ADGRE3: variants seen among roughly 807,000 people sequenced by gnomAD.
ADGRE3 encodes EGF-like module receptor 3.
A neutral mutation model predicts 80.1 loss-of-function variants in ADGRE3; 88 were observed. The observed-to-expected ratio is 1.10, with a 90% confidence interval of 0.93 to 1.31. ADGRE3 has a LOEUF of 1.31. Ranked by LOEUF, ADGRE3 falls within the 40% of genes most tolerant of loss-of-function variation. The probability of loss-of-function intolerance (pLI) is 0.00; values close to 1 mark genes in which losing one functional copy is unlikely to be tolerated. For synonymous variants in ADGRE3, 281 were observed against 294.8 expected (o/e 0.95, Z 0.48); for missense variants, 715 against 776.5 (o/e 0.92, Z 0.94).
At chr19:14,666,343 A>C (rs181571593) in intron 2 of ADGRE3, among the ~76,000 whole-genome samples, 5 of 149,368 alleles carry the variant, frequency 3.3e-5, no homozygotes, top group African/African-American at 4.9e-5. Context: ...CCTTATAATT[A>C]GTGATGTTGA....
chr19:14,656,953 T>G (rs962228804), intron 5 of ADGRE3, among the ~76,000 whole-genome samples: 1 of 152,174 alleles, frequency 6.6e-6, no homozygotes, highest in African/African-American at 2.4e-5. Context: ...TGGAGTGCAG[T>G]GACGTGATCT....
intron 4 of ADGRE3, among the ~76,000 whole-genome samples, chr19:14,661,433 C>T (rs1971941928): frequency 6.6e-6 from 1 of 152,188 alleles, no homozygotes; most frequent in Admixed American, 6.5e-5. Context: ...CATGGCTACG[C>T]ATCGTTTTCA....
the ADGRE3 span, among the ~76,000 whole-genome samples, chr19:14,600,768 G>A: frequency 6.6e-6 from 1 of 151,298 alleles, no homozygotes; most frequent in Non-Finnish European, 1.5e-5. Flanking sequence ...TGTATTTTTA[G>A]TAGAGACAGG....
chr19:14,638,248 A>G lies in ADGRE3; in HGVS notation c.1341T>C (p.Thr447=), dbSNP rs1971154842. ...AGTTGACCACTGTCAGGTTCCGTGC[A>G]GTGAGGAAGAGGTGCACACCCTCCA... The part of the protein sequence containing the change: ...MLLEGVHLFL[T]ARNLTVVNYS... The change falls in exon 11 of 16, where the codon ACT becomes ACC. Residue 447 remains threonine (T), a synonymous_variant. Transcript: ENST00000253673. 1 of 1,614,174 alleles carries G rather than the reference A, an allele frequency of 6.2e-7. No individual in the cohort carries two copies. Among genetic ancestry groups the G allele is most frequent in the East Asian group, 2.2e-5 (1 of 44,878 alleles).
intron 8 of ADGRE3, among the ~76,000 whole-genome samples, 191 bp from the exon 9 acceptor site, chr19:14,644,466 G>T (rs1260212952): frequency 6.6e-6 from 1 of 151,948 alleles, no homozygotes; most frequent in African/African-American, 2.4e-5. Context: ...GATTACAGAC[G>T]TGCAGTACCA....
At chr19:14,641,682 A>C in intron 9 of ADGRE3, 66 bp from the exon 10 acceptor site, 1 of 1,572,658 alleles carries the variant, frequency 6.4e-7, no homozygotes, top group Non-Finnish European at 8.6e-7. Flanking sequence ...CCCTCCTTGA[A>C]CTGGGGCATC....
At chr19:14,636,627 G>A (rs1827881115) in intron 11 of ADGRE3, among the ~76,000 whole-genome samples, 1 of 152,030 alleles carries the variant, frequency 6.6e-6, no homozygotes, top group African/African-American at 2.4e-5. Context: ...GACAAAACGG[G>A]GAGAAATGAA....
chr19:14,652,776 C>CAAAA (rs34330214), intron 6 of ADGRE3, among the ~76,000 whole-genome samples: 2 of 62,394 alleles, frequency 3.2e-5, no homozygotes, highest in Non-Finnish European at 6.4e-5. Context: ...GACTCCATCT[C>CAAAA]AAAAAAAAAA....
intron 5 of ADGRE3, among the ~76,000 whole-genome samples, chr19:14,657,668 G>A (rs1971805874): frequency 6.6e-6 from 1 of 151,570 alleles, no homozygotes; most frequent in Non-Finnish European, 1.5e-5. Flanking sequence ...CAAGACCCAT[G>A]GAACTCACTC....
rs148258389 is a variant in ADGRE3, at chr19:14,657,130, C to T, written c.393+1383G>A. On this transcript the variant is annotated intron_variant, in intron 5 of 15. Coordinates refer to ENST00000253673, the MANE Select transcript of ADGRE3 (RefSeq NM_032571.5). ...CAGGCTGGTCTTGAACTTCTGACCTCGGGTGATCCACCCACCTCCCAAAGT... is the reference window on the plus strand; with the variant it reads ...CAGGCTGGTCTTGAACTTCTGACCTTGGGTGATCCACCCACCTCCCAAAGT... 4.2e-3 allele frequency among the ~76,000 whole-genome samples: 645 copies of T among 152,118 alleles called. 10 individuals carry two copies. The highest frequency in any genetic ancestry group is 0.015 in the African/African-American group (617 of 41,518).
intron 10 of ADGRE3, among the ~76,000 whole-genome samples, chr19:14,640,188 G>A (rs1029392826): frequency 2.0e-5 from 3 of 152,158 alleles, no homozygotes; most frequent in African/African-American, 7.2e-5. Flanking sequence ...AGGCTGAATA[G>A]TATTCCAGGA....
chr19:14,619,142 A>G lies in ADGRE3; in HGVS notation c.*291T>C, dbSNP rs960114427. Reference sequence around the variant, plus strand: ...TAGGATGAGTGGGACTAAGAACTTGAGGAAAAGGACCTCTTCATTTACAAA... The same window carrying G: ...TAGGATGAGTGGGACTAAGAACTTGGGGAAAAGGACCTCTTCATTTACAAA... On this transcript the variant is annotated 3_prime_UTR_variant, in exon 16 of 16. Coordinates refer to ENST00000253673, the MANE Select transcript of ADGRE3 (RefSeq NM_032571.5). 13 of 382,138 alleles carry G rather than the reference A, an allele frequency of 3.4e-5. No homozygotes were observed. The Admixed American group carries it at 5.3e-4, about 16-fold the overall frequency. 23.7% of individuals were successfully genotyped at this position (382,138 alleles called of 1,614,324 possible).
At chr19:14,631,375 AAATAAT>A (rs143212415) in intron 13 of ADGRE3, among the ~76,000 whole-genome samples, 4 of 150,650 alleles carry the variant, frequency 2.7e-5, no homozygotes, top group Non-Finnish European at 5.9e-5. Context: ...ATAAGAATAA[AAATAAT>A]AATAAAAAAT....
At chr19:14,604,691 A>C in the ADGRE3 span, among the ~76,000 whole-genome samples, 1 of 151,964 alleles carries the variant, frequency 6.6e-6, no homozygotes, top group African/African-American at 2.4e-5. Flanking sequence ...TGAACCTGCG[A>C]GGCGGAGGGT....
At chr19:14,674,606 A>G (rs1363084384) in intron 1 of ADGRE3, 140 bp downstream of exon 1, 4 of 768,022 alleles carry the variant, frequency 5.2e-6, no homozygotes, top group Non-Finnish European at 8.3e-6. Context: ...GGTAGTCAGG[A>G]AGGAAACCAC....
At chr19:14,637,756 T>A (rs577540442) in intron 11 of ADGRE3, among the ~76,000 whole-genome samples, 26 of 152,126 alleles carry the variant, frequency 1.7e-4, no homozygotes, top group African/African-American at 5.3e-4. Context: ...CTTGAACTCC[T>A]GGCCTCAAGT....
At chr19:14,615,005 C>T (rs996687705), downstream of ADGRE3, among the ~76,000 whole-genome samples, 2 of 151,846 alleles carry the variant, frequency 1.3e-5, no homozygotes, top group African/African-American at 4.8e-5. Flanking sequence ...CCCACCTCAG[C>T]CTCCCAAGTA....
intron 12 of ADGRE3, 70 bp from the exon 13 acceptor site, chr19:14,633,082 A>G: frequency 5.1e-6 from 7 of 1,368,764 alleles, no homozygotes; most frequent in East Asian, 2.3e-5. Flanking sequence ...TAAATTGCAC[A>G]CAGGAGTCCT....
intron 4 of ADGRE3, among the ~76,000 whole-genome samples, chr19:14,659,161 A>G (rs964238858): frequency 1.3e-5 from 2 of 151,272 alleles, no homozygotes; most frequent in Admixed American, 6.6e-5. Context: ...CAGTCCCCCA[A>G]GTAGCTGGGA....
Sources: allele counts gnomAD v4.1 joint callset (sites outside exome capture counted in the v4.1 genomes callset), GRCh38; gene constraint gnomAD v4.1.1; transcripts MANE v1.5; gene names NCBI Gene and HGNC (gene_info 2026-07-23, HGNC 2026-07-21).